Variants in SESTD1 observed in about 807,000 individuals in gnomAD.
SESTD1 encodes SEC14 and spectrin domain containing 1, also known as SEC14 domain and spectrin repeat-containing protein 1.
In SESTD1, 43 loss-of-function variants were observed where a neutral mutation model predicts 101.7. The ratio of observed to expected loss-of-function variants is 0.42; its 90% CI spans 0.33 to 0.55. The LOEUF (loss-of-function observed/expected upper bound fraction) is 0.55, where lower values mean the gene tolerates loss of function less well. Ranked by LOEUF, SESTD1 falls within the 20% of genes least tolerant of loss-of-function variation. The pLI, the probability that SESTD1 is intolerant of heterozygous loss-of-function variation, is 0.07. For missense variants in SESTD1, 647 were observed against 815.1 expected (o/e 0.79, Z 2.51); for synonymous variants, 283 against 286.8 (o/e 0.99, Z 0.13).
In SESTD1 at chr2:179,106,418, AT is replaced by A. The variant is rs1355810743; in HGVS notation, c.*3480del. ...CAAGTAACTTACAATGTAGTAGAGA[AT>A]TCTGAACTATTTCTTCAAATGTAGA... On this transcript the variant is annotated 3_prime_UTR_variant, in exon 18 of 18. Coordinates refer to ENST00000428443, the MANE Select transcript of SESTD1 (RefSeq NM_178123.5). The A allele has an allele frequency of 6.6e-6, 1 of 152,190 alleles. No individual in the cohort carries two copies. Among genetic ancestry groups the A allele is most frequent in the Non-Finnish European group, 1.5e-5 (1 of 68,026 alleles). The allele number at this position is 152,190 out of a possible 1,614,324, so 9.4% of individuals were successfully genotyped here. A position where few individuals can be genotyped will look rare whatever the true frequency, so the allele number is the denominator to read the frequency against.
At chr2:179,199,973 G>A (rs2105507659) in intron 1 of SESTD1, among the ~76,000 whole-genome samples, 1 of 152,202 alleles carries the variant, frequency 6.6e-6, no homozygotes, top group Non-Finnish European at 1.5e-5. Flanking sequence ...TAGGAAAAGG[G>A]GAAGTCAAAT....
At chr2:179,185,682 T>TATATATAATATAGTATATTATATATA (rs2046210067) in intron 2 of SESTD1, among the ~76,000 whole-genome samples, 3 of 107,842 alleles carry the variant, frequency 2.8e-5, no homozygotes, top group Admixed American at 1.2e-4. Context: ...TATAGCATAT[T>TATATATAATATAGTATATTATATATA]ATATATAATA....
At chr2:179,179,735 C>T (rs1403421767) in intron 3 of SESTD1, among the ~76,000 whole-genome samples, 4 of 152,164 alleles carry the variant, frequency 2.6e-5, no homozygotes, top group Non-Finnish European at 5.9e-5. Flanking sequence ...TCCTCAGACA[C>T]GACAATAGCT....
At chr2:179,177,742 T>C (rs1255352089) in intron 3 of SESTD1, among the ~76,000 whole-genome samples, 2 of 152,212 alleles carry the variant, frequency 1.3e-5, no homozygotes, top group Non-Finnish European at 2.9e-5. Flanking sequence ...AAAACCTGCA[T>C]GTAAATATTC....
At chr2:179,256,537 G>C (rs2047396242) in intron 1 of SESTD1, among the ~76,000 whole-genome samples, 1 of 152,204 alleles carries the variant, frequency 6.6e-6, no homozygotes, top group Non-Finnish European at 1.5e-5. Context: ...ATGGGGCCGG[G>C]CACGGTGTCT....
rs1177091094 is a variant in SESTD1 at position 179,259,639 on chromosome 2, A to G, written c.-26+4860T>C. The stretch of plus-strand genomic sequence containing the variant: ...TAGGACAGAACAAAACTTCTGACTT[A>G]GGGCTTAATGTTCTTTCCACCTCAC... On this transcript the variant is annotated intron_variant, in intron 1 of 17. Coordinates refer to ENST00000428443, the MANE Select transcript of SESTD1 (RefSeq NM_178123.5). Among the ~76,000 whole-genome samples, 11 of 152,328 alleles carry G rather than the reference A, an allele frequency of 7.2e-5. No homozygotes were observed. The South Asian group carries it at 2.1e-3, about 29-fold the overall frequency.
At chr2:179,244,367 G>A (rs1415761750) in intron 1 of SESTD1, among the ~76,000 whole-genome samples, 1 of 151,974 alleles carries the variant, frequency 6.6e-6, no homozygotes, top group South Asian at 2.1e-4. Context: ...GCTGAGACAG[G>A]AGAATCACTT....
intron 1 of SESTD1, among the ~76,000 whole-genome samples, chr2:179,246,305 A>G (rs1157064869): frequency 6.6e-6 from 1 of 151,826 alleles, no homozygotes; most frequent in African/African-American, 2.4e-5. Context: ...GAGAATGGCT[A>G]TACCAGAGAT....
intron 5 of SESTD1, 93 bp downstream of exon 5, chr2:179,172,027 G>T: frequency 2.7e-6 from 2 of 753,398 alleles, no homozygotes; most frequent in South Asian, 2.2e-5. Flanking sequence ...CTTAAGCACT[G>T]CTTAGTAACC....
chr2:179,180,325 C>T lies in SESTD1; in HGVS notation c.164+2755G>A, dbSNP rs1340288287. On this transcript the variant is annotated intron_variant, in intron 3 of 17. Coordinates refer to ENST00000428443, the MANE Select transcript of SESTD1 (RefSeq NM_178123.5). ...ATTATATTCAAAACGTTAAGATAGTCATTGCATGAAAAAAACAATTTTGGA... is the reference window on the plus strand; with the variant it reads ...ATTATATTCAAAACGTTAAGATAGTTATTGCATGAAAAAAACAATTTTGGA... Among the ~76,000 whole-genome samples the T allele has an allele frequency of 3.9e-5, 6 of 152,136 alleles. No individual in the cohort carries two copies. In the East Asian group the frequency reaches 1.2e-3, roughly 29 times the overall value.
At position 179,124,556 on chromosome 2, in the gene SESTD1, T is replaced by G. The variant is rs1356433694; in HGVS notation, c.975A>C (p.Glu325Asp). ...TAAGTTCCACATACACTGCAAACCATTCCTGTAATCAAGATGTTACAAAGT... is the reference window on the plus strand; with the variant it reads ...TAAGTTCCACATACACTGCAAACCAGTCCTGTAATCAAGATGTTACAAAGT... ...KHEEIESQHS[E>D]WFAVYVELNQ... is the part of the protein sequence containing the mutation. Residue 325 changes from glutamate to aspartate, a missense_variant and splice_region_variant, in exon 11 of 18, where the codon GAA becomes GAC. By Grantham distance (45) the Glu-to-Asp change is conservative. Transcript: ENST00000428443. 1 of 1,611,314 alleles carries G rather than the reference T, an allele frequency of 6.2e-7. No individual in the cohort carries two copies. The highest frequency in any genetic ancestry group is 1.7e-5 in the Admixed American group (1 of 59,928).
intron 16 of SESTD1, among the ~76,000 whole-genome samples, chr2:179,113,659 T>C (rs1163314459): frequency 1.3e-5 from 2 of 152,232 alleles, no homozygotes; most frequent in Admixed American, 1.3e-4. Context: ...ATTTTTCTAA[T>C]CATTATACTA....
At position 179,191,710 on chromosome 2, in the gene SESTD1, T is replaced by C. The variant is rs117511352; in HGVS notation, c.55+77A>G. The C allele has an allele frequency of 1.3e-3, 1,579 of 1,170,236 alleles. 24 individuals carry two copies. In the East Asian group the frequency reaches 0.026, roughly 20 times the overall value. The allele number at this position is 1,170,236 out of a possible 1,614,324, so 72.5% of individuals were successfully genotyped here. On this transcript the variant is annotated intron_variant, in intron 2 of 17. Coordinates refer to ENST00000428443, the MANE Select transcript of SESTD1 (RefSeq NM_178123.5). ...AAAACTTTCATTAAAAAAAAATGCA[T>C]CTGTCATACTTAACAAAGAAGAAAC...
At chr2:179,176,680 A>C in intron 3 of SESTD1, 142 bp from the exon 4 acceptor site, 2 of 518,076 alleles carry the variant, frequency 3.9e-6, no homozygotes, top group Non-Finnish European at 6.5e-6. Context: ...TCAATAAATA[A>C]AATTCTTGAG....
At chr2:179,257,411 A>G (rs2047414040) in intron 1 of SESTD1, among the ~76,000 whole-genome samples, 1 of 152,230 alleles carries the variant, frequency 6.6e-6, no homozygotes, top group Admixed American at 6.5e-5. Context: ...ATATACGTAG[A>G]TCATTTTTTA....
intron 5 of SESTD1, among the ~76,000 whole-genome samples, chr2:179,162,849 G>A (rs2045763630): frequency 6.6e-6 from 1 of 151,630 alleles, no homozygotes; most frequent in African/African-American, 2.4e-5. Flanking sequence ...AAATTAGCTG[G>A]GCGTGGTGGT....
chr2:179,124,060 G>T (rs935155170), intron 11 of SESTD1, among the ~76,000 whole-genome samples: 15 of 152,094 alleles, frequency 9.9e-5, no homozygotes, highest in African/African-American at 3.6e-4. Flanking sequence ...ATGCAAAAAA[G>T]TATTGAGACT....
intron 10 of SESTD1, 74 bp from the exon 11 acceptor site, chr2:179,124,632 C>A: frequency 8.0e-7 from 1 of 1,250,064 alleles, no homozygotes. Context: ...TATAATTTCT[C>A]CAGATAAACT....
rs1169127353 is a variant in SESTD1, at chr2:179,108,978, C to CT, written c.*920dup. 6.6e-6 allele frequency: 1 copy of CT among 152,038 alleles called. No homozygotes were observed. Among genetic ancestry groups the CT allele is most frequent in the Non-Finnish European group, 1.5e-5 (1 of 67,962 alleles). 9.4% of individuals were successfully genotyped at this position (152,038 alleles called of 1,614,324 possible). ...ATTACACTGAAGTAATTATGTATGC[C>CT]TTCTTCCTCAGCCCTCCTCCCCTAA... On this transcript the variant is annotated 3_prime_UTR_variant, in exon 18 of 18. Coordinates refer to ENST00000428443, the MANE Select transcript of SESTD1 (RefSeq NM_178123.5).
Sources: allele counts gnomAD v4.1 joint callset (sites outside exome capture counted in the v4.1 genomes callset), GRCh38; gene constraint gnomAD v4.1.1; transcripts MANE v1.5; gene names NCBI Gene and HGNC (gene_info 2026-07-23, HGNC 2026-07-21).